Variants in MDGA2 observed in about 807,000 individuals in gnomAD.
MDGA2 encodes MAM domain-containing glycosylphosphatidylinositol anchor protein 2.
A neutral mutation model predicts 117.8 loss-of-function variants in MDGA2; 40 were observed. The observed-to-expected ratio is 0.34, with a 90% CI of 0.26 to 0.44. MDGA2 has a LOEUF of 0.44. MDGA2 is among the 20% of genes least tolerant of loss of function. The probability of loss-of-function intolerance (pLI) is 1.00; values close to 1 mark genes in which losing one functional copy is unlikely to be tolerated. For synonymous variants in MDGA2, 452 were observed against 439.0 expected (o/e 1.03, Z -0.37); for missense variants, 1,123 against 1,250.6 (o/e 0.90, Z 1.54).
Position 47,218,122 on chromosome 14 carries a change from C to A in MDGA2, c.494G>T (p.Arg165Met). Residue 165 changes from arginine (R) to methionine (M), a missense_variant, in exon 3 of 17, where the codon AGG becomes ATG. Physicochemically the swap from Arg to Met is moderately conservative, Grantham distance 91 (BLOSUM62 -1). Coordinates refer to ENST00000399232, the MANE Select transcript of MDGA2 (RefSeq NM_001113498.3). ...TTGGTGTCGCTGAATATTTGTAATC[C>A]TCAAAGTCTCATTGAAGACACTTGA... is the stretch of plus-strand genomic sequence containing the variant. ...QDSSVFNETLRITNIQRHQGG... is the reference protein window; with the variant it reads ...QDSSVFNETLMITNIQRHQGG... 6.4e-7 allele frequency: 1 copy of A among 1,551,082 alleles called. No individual in the cohort carries two copies. Among genetic ancestry groups the A allele is most frequent in the South Asian group, 1.2e-5 (1 of 84,030 alleles).
chr14:47,549,708 T>C (rs1895543529), intron 1 of MDGA2, among the ~76,000 whole-genome samples: 1 of 152,138 alleles, frequency 6.6e-6, no homozygotes, highest in Non-Finnish European at 1.5e-5. Context: ...AGCCCTGATC[T>C]GATAGGACTG....
At chr14:47,464,114 C>CACAT (rs1161248367) in intron 1 of MDGA2, among the ~76,000 whole-genome samples, 9 of 147,434 alleles carry the variant, frequency 6.1e-5, no homozygotes, top group African/African-American at 2.3e-4. Flanking sequence ...CACACACACA[C>CACAT]ACACACACAC....
intron 8 of MDGA2, among the ~76,000 whole-genome samples, chr14:46,969,968 A>ATATATG: frequency 7.2e-6 from 1 of 139,448 alleles, no homozygotes. Flanking sequence ...ATATATATAT[A>ATATATG]TATATATATG....
chr14:47,467,650 C>T (rs537601881), intron 1 of MDGA2, among the ~76,000 whole-genome samples: 33 of 152,044 alleles, frequency 2.2e-4, no homozygotes, highest in Non-Finnish European at 4.3e-4. Context: ...TACCTACCAG[C>T]TCTTTGACCT....
chr14:46,908,437 T>G (rs975395510), intron 10 of MDGA2, among the ~76,000 whole-genome samples: 4 of 152,124 alleles, frequency 2.6e-5, no homozygotes, highest in Non-Finnish European at 4.4e-5. Flanking sequence ...AAATAATTAT[T>G]TAAGTAAGCA....
intron 1 of MDGA2, among the ~76,000 whole-genome samples, chr14:47,327,433 A>G (rs1890176372): frequency 6.6e-6 from 1 of 152,198 alleles, no homozygotes; most frequent in African/African-American, 2.4e-5. Flanking sequence ...AAACAAGGAT[A>G]TCATCTGATT....
intron 1 of MDGA2, among the ~76,000 whole-genome samples, chr14:47,457,334 A>C (rs1383878064): frequency 6.6e-6 from 1 of 152,214 alleles, no homozygotes; most frequent in Non-Finnish European, 1.5e-5. Context: ...GCTTGAGAGC[A>C]TGCATTTTAA....
intron 2 of MDGA2, among the ~76,000 whole-genome samples, chr14:47,239,689 A>G (rs1199564880): frequency 6.6e-6 from 1 of 151,664 alleles, no homozygotes; most frequent in Admixed American, 6.6e-5. Context: ...TCCTTTGGGG[A>G]AAAAAAAGTT....
At chr14:47,106,555 T>C (rs1012337870) in intron 5 of MDGA2, among the ~76,000 whole-genome samples, 2 of 151,970 alleles carry the variant, frequency 1.3e-5, no homozygotes, top group Admixed American at 6.6e-5. Context: ...AAAATCGGAC[T>C]GTTCAACTCA....
chr14:46,889,561 CA>C (rs1882801238), intron 10 of MDGA2, among the ~76,000 whole-genome samples: 1 of 152,040 alleles, frequency 6.6e-6, no homozygotes, highest in South Asian at 2.1e-4. Flanking sequence ...GCATGCATAG[CA>C]TTTATTTTTT....
intron 10 of MDGA2, among the ~76,000 whole-genome samples, chr14:46,904,173 G>C (rs1883399231): frequency 6.6e-6 from 1 of 151,810 alleles, no homozygotes; most frequent in Middle Eastern, 3.2e-3. Context: ...AGACCAGCCT[G>C]GCCAACATGG....
At chr14:46,890,170 T>A (rs1043444243) in intron 10 of MDGA2, among the ~76,000 whole-genome samples, 9 of 152,056 alleles carry the variant, frequency 5.9e-5, no homozygotes, top group African/African-American at 2.2e-4. Context: ...TTGATTTAAA[T>A]ACTAGGTTTT....
chr14:47,343,259 C>T (rs1300665875), intron 1 of MDGA2: 24 of 1,143,438 alleles, frequency 2.1e-5, no homozygotes, highest in Non-Finnish European at 2.5e-5. Flanking sequence ...GAATTCCGGG[C>T]ATTGTATTAC....
chr14:47,059,261 A>G (rs1270606450), intron 7 of MDGA2: 2 of 1,156,818 alleles, frequency 1.7e-6, no homozygotes, highest in East Asian at 5.8e-5. Context: ...ACAAAGTCTC[A>G]GACTTTGTAG....
intron 7 of MDGA2, among the ~76,000 whole-genome samples, chr14:47,045,199 T>A (rs79314614): frequency 0.02 from 3,020 of 152,242 alleles, 103 homozygotes; most frequent in African/African-American, 0.068. Flanking sequence ...CAGGTTCTAT[T>A]CTTGCTGCCT....
intron 1 of MDGA2, among the ~76,000 whole-genome samples, chr14:47,408,814 G>A (rs1371964554): frequency 6.6e-6 from 1 of 152,292 alleles, no homozygotes; most frequent in Admixed American, 6.5e-5. Context: ...GCCTGCTTGA[G>A]GAGACTGGGC....
intron 5 of MDGA2, among the ~76,000 whole-genome samples, chr14:47,118,472 C>T (rs1881447419): frequency 6.6e-6 from 1 of 152,080 alleles, no homozygotes. Flanking sequence ...TTTTATTTCT[C>T]GAAGCTACTG....
intron 3 of MDGA2, among the ~76,000 whole-genome samples, chr14:47,196,241 G>T (rs553602832): frequency 6.6e-6 from 1 of 152,208 alleles, no homozygotes; most frequent in African/African-American, 2.4e-5. Flanking sequence ...CAAACACATT[G>T]TGTGAAATAA....
chr14:47,280,552 T>C (rs932465935), intron 2 of MDGA2, among the ~76,000 whole-genome samples: 3 of 152,090 alleles, frequency 2.0e-5, no homozygotes, highest in African/African-American at 7.2e-5. Flanking sequence ...TTAAAATGTT[T>C]TCCAGACTAA....
Sources: gnomAD v4.1 joint callset for allele counts (sites outside exome capture counted in the v4.1 genomes callset) on GRCh38, gnomAD v4.1.1 for gene constraint, MANE v1.5 for transcripts, NCBI Gene and HGNC (gene_info 2026-07-23, HGNC 2026-07-21) for gene names.